The following TAFA5 variants were observed in gnomAD, a reference collection of about 807,000 sequenced individuals.
The protein encoded by TAFA5 is chemokine-like protein TAFA-5.
A neutral mutation model predicts 15.3 loss-of-function variants in TAFA5; 6 were observed. The ratio of observed to expected loss-of-function variants is 0.39; its 90% CI spans 0.21 to 0.77. The LOEUF is 0.77. TAFA5 is among the 30% of genes least tolerant of loss of function. The pLI, the probability that TAFA5 is intolerant of heterozygous loss-of-function variation, is 0.41. For missense variants in TAFA5, 161 were observed against 193.1 expected (o/e 0.83, Z 0.98); for synonymous variants, 103 against 80.7 (o/e 1.28, Z -1.48).
chr22:48,570,100 G>A (rs975889952), intron 1 of TAFA5, among the ~76,000 whole-genome samples: 2 of 152,168 alleles, frequency 1.3e-5, no homozygotes, highest in African/African-American at 4.8e-5. Context: ...CTCCCATGCT[G>A]CATCTGCCCT....
chr22:48,614,077 C>G, intron 1 of TAFA5, among the ~76,000 whole-genome samples: 1 of 152,216 alleles, frequency 6.6e-6, no homozygotes, highest in Non-Finnish European at 1.5e-5. Context: ...CCTGACCTCC[C>G]GGCCGACGGG....
At position 48,517,059 on chromosome 22, in the gene TAFA5, C is replaced by T. The variant is rs148216932; in HGVS notation, c.112+27355C>T. Among the ~76,000 whole-genome samples, 672 of 152,318 alleles carry T rather than the reference C, an allele frequency of 4.4e-3. 6 individuals carry two copies. The highest frequency in any genetic ancestry group is 0.015 in the African/African-American group (644 of 41,564). On this transcript the variant is annotated intron_variant, in intron 1 of 3. Coordinates refer to ENST00000402357, the MANE Select transcript of TAFA5 (RefSeq NM_001082967.3). ...TACAACCCCACAGTAGCCGAGTTCT[C>T]GTTTCCGTCACCCCACAAAAAGCCC...
intron 1 of TAFA5, among the ~76,000 whole-genome samples, chr22:48,505,845 T>TAA (rs933193216): frequency 9.8e-5 from 15 of 152,296 alleles, no homozygotes; most frequent in Admixed American, 9.1e-4. Context: ...GGACACAGAT[T>TAA]ACAATCTGCA....
At chr22:48,521,933 C>T (rs968919559) in intron 1 of TAFA5, among the ~76,000 whole-genome samples, 9 of 152,184 alleles carry the variant, frequency 5.9e-5, no homozygotes, top group East Asian at 3.9e-4. Context: ...AGACCAAACT[C>T]GGGGAGGGGC....
Position 48,529,184 on chromosome 22 carries a change from A to T in TAFA5, c.112+39480A>T, listed in dbSNP as rs373074172. ...GCTGTTGAGGGTGTCCAGGCAGGAGATGAGGGTGTCCAGGCAGGAAATGAG... is the reference window on the plus strand; with the variant it reads ...GCTGTTGAGGGTGTCCAGGCAGGAGTTGAGGGTGTCCAGGCAGGAAATGAG... On this transcript the variant is annotated intron_variant, in intron 1 of 3. Transcript: ENST00000402357. Among the ~76,000 whole-genome samples the T allele has an allele frequency of 2.0e-5, 3 of 150,832 alleles. No individual in the cohort carries two copies. The East Asian group carries it at 6.0e-4, about 30-fold the overall frequency.
intron 2 of TAFA5, among the ~76,000 whole-genome samples, chr22:48,686,564 A>G (rs1307241738): frequency 6.6e-6 from 1 of 152,240 alleles, no homozygotes; most frequent in African/African-American, 2.4e-5. Flanking sequence ...GGGGCACAGA[A>G]GTTCAAACCA....
intron 2 of TAFA5, among the ~76,000 whole-genome samples, chr22:48,666,359 T>C (rs1019690849): frequency 2.0e-5 from 3 of 151,906 alleles, no homozygotes; most frequent in Non-Finnish European, 4.4e-5. Flanking sequence ...TACACTTTAC[T>C]TTTTTTATAG....
At chr22:48,704,520 C>T (rs1323054138) in intron 2 of TAFA5, among the ~76,000 whole-genome samples, 2 of 152,162 alleles carry the variant, frequency 1.3e-5, no homozygotes, top group Non-Finnish European at 2.9e-5. Flanking sequence ...AGCGCTGTCC[C>T]TCGGGGTTGG....
intron 2 of TAFA5, among the ~76,000 whole-genome samples, chr22:48,684,098 G>A (rs1928280205): frequency 6.6e-6 from 1 of 151,926 alleles, no homozygotes. Context: ...TTTTCCCAAG[G>A]CCCCGAGTCT....
At chr22:48,619,647 G>A (rs1233697539) in intron 1 of TAFA5, among the ~76,000 whole-genome samples, 1 of 152,222 alleles carries the variant, frequency 6.6e-6, no homozygotes, top group Non-Finnish European at 1.5e-5. Context: ...AGAGTGCAGG[G>A]CCAGAGGATG....
chr22:48,659,089 G>C (rs1927346060), intron 2 of TAFA5, among the ~76,000 whole-genome samples: 1 of 152,238 alleles, frequency 6.6e-6, no homozygotes. Flanking sequence ...TGAGGGCGCA[G>C]CGCCTTCTGG....
In TAFA5 at chr22:48,552,280, T is replaced by C. The variant is rs1035942287; in HGVS notation, c.112+62576T>C. 2.0e-5 allele frequency among the ~76,000 whole-genome samples: 3 copies of C among 152,168 alleles called. No individual in the cohort carries two copies. Among genetic ancestry groups the C allele is most frequent in the Admixed American group, 6.5e-5 (1 of 15,288 alleles). ...TGCTGGTGTCCTGGTGCCTGGCTGC[T>C]GTCACCCAGGAGTTGGGCTCTGGGC... On this transcript the variant is annotated intron_variant, in intron 1 of 3. Coordinates refer to ENST00000402357, the MANE Select transcript of TAFA5 (RefSeq NM_001082967.3). The surrounding 1 kb of genome is among the most constrained non-coding windows in gnomAD (Gnocchi z 4.1).
intron 1 of TAFA5, among the ~76,000 whole-genome samples, chr22:48,499,012 CG>C (rs1167553557): frequency 2.0e-5 from 3 of 152,206 alleles, no homozygotes; most frequent in Non-Finnish European, 4.4e-5. Flanking sequence ...CCTTGCCTCC[CG>C]TGACTGTTTC....
At chr22:48,693,145 G>A (rs552204635) in intron 2 of TAFA5, 27 of 736,180 alleles carry the variant, frequency 3.7e-5, no homozygotes, top group South Asian at 1.3e-4. Flanking sequence ...ACGTGACCTC[G>A]AGTCGAAGCC....
intron 3 of TAFA5, among the ~76,000 whole-genome samples, chr22:48,725,739 A>AT (rs1216565547): frequency 8.0e-5 from 12 of 150,406 alleles, no homozygotes; most frequent in Non-Finnish European, 1.5e-4. Context: ...AAAAAAAAAA[A>AT]AGCAAGGAAA....
intron 2 of TAFA5, among the ~76,000 whole-genome samples, chr22:48,680,284 C>A (rs11912370): frequency 6.6e-6 from 1 of 152,218 alleles, no homozygotes; most frequent in African/African-American, 2.4e-5. Context: ...GTGTGCGTCC[C>A]ACGACCCAGG....
At chr22:48,676,946 T>C (rs574385690) in intron 2 of TAFA5, among the ~76,000 whole-genome samples, 28 of 152,316 alleles carry the variant, frequency 1.8e-4, no homozygotes, top group Non-Finnish European at 3.2e-4. Flanking sequence ...TTTTGAGCTG[T>C]CATTACCACT....
At chr22:48,745,533 G>A (rs986546955) in intron 3 of TAFA5, among the ~76,000 whole-genome samples, 3 of 152,126 alleles carry the variant, frequency 2.0e-5, no homozygotes, top group Non-Finnish European at 4.4e-5. Flanking sequence ...CTTTGTCGTC[G>A]GCAGCTGGCC....
At chr22:48,739,595 G>A (rs1930123481) in intron 3 of TAFA5, among the ~76,000 whole-genome samples, 1 of 152,186 alleles carries the variant, frequency 6.6e-6, no homozygotes, top group Non-Finnish European at 1.5e-5. Context: ...CACTGTAATT[G>A]CTGACACAAG....
Sources: gnomAD v4.1 joint callset for allele counts (sites outside exome capture counted in the v4.1 genomes callset) on GRCh38, gnomAD v4.1.1 for gene constraint, Gnocchi (gnomAD v3.1) non-coding constraint, MANE v1.5 for transcripts, NCBI Gene and HGNC (gene_info 2026-07-23, HGNC 2026-07-21) for gene names.